The following MCF2L variants were observed in gnomAD, a reference collection of about 807,000 sequenced individuals.
The protein encoded by MCF2L is MCF.2 cell line derived transforming sequence like.
In MCF2L, 97 loss-of-function variants were observed where a neutral mutation model predicts 153.4. The ratio of observed to expected loss-of-function variants is 0.63; its 90% confidence interval spans 0.54 to 0.75. The LOEUF (loss-of-function observed/expected upper bound fraction) is 0.75, where lower values mean the gene tolerates loss of function less well. Ranked by LOEUF, MCF2L falls within the 30% of genes least tolerant of loss-of-function variation. MCF2L has a pLI of 0.00. For synonymous variants in MCF2L, 659 were observed against 632.2 expected, an observed-to-expected ratio of 1.04 and a Z score of -0.64; for missense variants, 1,347 against 1,495.2, an observed-to-expected ratio of 0.90 and a Z score of 1.64.
chr13:113,006,667 C>T (rs2083717336), intron 1 of MCF2L, among the ~76,000 whole-genome samples: 1 of 152,212 alleles, frequency 6.6e-6, no homozygotes, highest in African/African-American at 2.4e-5. Context: ...GAGACGTGTG[C>T]ATCTCAGTGG....
At chr13:113,039,907 G>A (rs2086374435) in intron 3 of MCF2L, among the ~76,000 whole-genome samples, 2 of 152,224 alleles carry the variant, frequency 1.3e-5, no homozygotes, top group Non-Finnish European at 2.9e-5. Flanking sequence ...CAACAGGAGT[G>A]TGTATTGTGT....
At chr13:113,065,229 G>C in intron 7 of MCF2L, 144 bp downstream of exon 7, 1 of 915,670 alleles carries the variant, frequency 1.1e-6, no homozygotes, top group Non-Finnish European at 1.7e-6. Flanking sequence ...AAGTCAGCAG[G>C]CTTGAGATGC....
Position 112,918,964 on chromosome 13 carries a change from C to T in MCF2L, c.169+16593C>T, listed in dbSNP as rs551315453. ...CCTGCGCTTCCCCGACGCGCGCCCC[C>T]TTCCACTGCACTTGCTGGCAGAGGC... On this transcript the variant is annotated intron_variant, in intron 2 of 29. Transcript: ENST00000375608. 1.2e-3 allele frequency among the ~76,000 whole-genome samples: 184 copies of T among 152,316 alleles called. 4 individuals carry two copies. In the South Asian group the frequency reaches 0.032, roughly 26 times the overall value.
chr13:112,938,148 G>GTTCAGGTGAGCGCTGAGGGGTTGT (rs2081539652), intron 2 of MCF2L, among the ~76,000 whole-genome samples: 2 of 144,814 alleles, frequency 1.4e-5, no homozygotes, highest in African/African-American at 5.1e-5. Flanking sequence ...TGAGGGGTTG[G>GTTCAGGTGAGCGCTGAGGGGTTGT]TTCAGGTGAG....
At chr13:112,973,981 G>A (rs565675470) in intron 1 of MCF2L, among the ~76,000 whole-genome samples, 56 of 152,218 alleles carry the variant, frequency 3.7e-4, no homozygotes, top group African/African-American at 1.2e-3. Context: ...CCTGATCTCC[G>A]TCTTCAAAGC....
chr13:112,960,127 G>C lies in MCF2L; in HGVS notation c.170-54636G>C, dbSNP rs2081806782. The stretch of plus-strand genomic sequence containing the variant: ...GTCTGTTTTCTGCTGCTATAACAGA[G>C]TATCACAGATTGGGTAATTTACACA... On this transcript the variant is annotated intron_variant, in intron 2 of 29. Coordinates refer to the MCF2L transcript ENST00000375608. This position sits in a 1 kb window ranked among gnomAD's most constrained non-coding sequence, Gnocchi z 4.2. Among the ~76,000 whole-genome samples, 1 of 152,248 alleles carries C rather than the reference G, an allele frequency of 6.6e-6. No homozygotes were observed. The highest frequency in any genetic ancestry group is 1.5e-5 in the Non-Finnish European group (1 of 68,044).
chr13:112,999,536 G>A (rs1226057946), intron 1 of MCF2L, among the ~76,000 whole-genome samples: 5 of 152,322 alleles, frequency 3.3e-5, no homozygotes, highest in East Asian at 3.9e-4. Context: ...TGCATCAGCC[G>A]CTGTACGGCT....
At position 112,942,288 on chromosome 13, in the gene MCF2L, G is replaced by C. The variant is rs750982542; in HGVS notation, c.169+39917G>C. The stretch of plus-strand genomic sequence containing the variant: ...GTCTCTGATAAGCAGAAATAATGGC[G>C]TAAGCTGTCTCTCTCTCTCCTCTCT... On this transcript the variant is annotated intron_variant, in intron 2 of 29. Transcript: ENST00000375608. 3.2e-4 allele frequency among the ~76,000 whole-genome samples: 49 copies of C among 152,328 alleles called. No homozygotes were observed. The Middle Eastern group carries it at 0.014, about 42-fold the overall frequency.
At chr13:113,050,014 A>C (rs2087106040) in intron 4 of MCF2L, among the ~76,000 whole-genome samples, 1 of 149,916 alleles carries the variant, frequency 6.7e-6, no homozygotes, top group Non-Finnish European at 1.5e-5. Context: ...ACAGCTACCC[A>C]CCCAGGGGGC....
At position 113,096,661 on chromosome 13, in the gene MCF2L, C is replaced by G; in HGVS notation, c.3292+8C>G. 6.3e-7 allele frequency: 1 copy of G among 1,578,178 alleles called. No homozygotes were observed. Among genetic ancestry groups the G allele is most frequent in the Non-Finnish European group, 8.6e-7 (1 of 1,169,080 alleles). ...AGTGCCTGAGCAGCTCAGGTAAGGC[C>G]CACGTGCCCCGAGCCCACCCGTGAC... On this transcript the variant is annotated splice_region_variant and intron_variant, in intron 29 of 29. Transcript: ENST00000535094.
In MCF2L at chr13:113,066,104, T is replaced by C. The variant is rs1361315772; in HGVS notation, c.815T>C (p.Leu272Pro). ...AGTGTCCTGGAGAGCCTCAGGGAGC[T>C]GCAGGCTGAGGGCTCAGAGCCCAGT... is the stretch of plus-strand genomic sequence containing the variant. Reference protein sequence around the residue: ...GHSVLESLRELQAEGSEPSVN... With the variant: ...GHSVLESLREPQAEGSEPSVN... Residue 272 changes from leucine to proline, a missense_variant, in exon 8 of 30, where the codon CTG becomes CCG. Transcript: ENST00000535094. The C allele has an allele frequency of 6.2e-7, 1 of 1,613,300 alleles. No homozygotes were observed. The highest frequency in any genetic ancestry group is 2.2e-5 in the East Asian group (1 of 44,878).
chr13:112,973,084 G>C (rs1272702271), intron 1 of MCF2L, among the ~76,000 whole-genome samples: 1 of 152,000 alleles, frequency 6.6e-6, no homozygotes, highest in Admixed American at 6.5e-5. Flanking sequence ...ACGCATTTCT[G>C]TGTGGAATTG....
chr13:112,984,819 A>G (rs1320523), intron 1 of MCF2L, among the ~76,000 whole-genome samples: 138,104 of 152,136 alleles, frequency 0.91, 63,260 homozygotes, highest in Non-Finnish European at 0.98. Flanking sequence ...GTCAGGATGC[A>G]GGTCCCGGTG....
chr13:113,088,786 A>T (rs775619602), intron 25 of MCF2L, among the ~76,000 whole-genome samples, 158 bp downstream of exon 25: 29 of 152,218 alleles, frequency 1.9e-4, no homozygotes, highest in Admixed American at 9.2e-4. Flanking sequence ...TCCGTCCCAG[A>T]GGGTGTACTT....
chr13:112,939,203 T>G (rs2081551034), intron 2 of MCF2L, among the ~76,000 whole-genome samples: 1 of 152,204 alleles, frequency 6.6e-6, no homozygotes, highest in African/African-American at 2.4e-5. Flanking sequence ...TTTTATAGTC[T>G]GAGCAAAGGA....
intron 1 of MCF2L, chr13:113,008,652 G>A (rs934745442): frequency 4.3e-4 from 65 of 152,172 alleles, no homozygotes; most frequent in African/African-American, 1.5e-3. Context: ...TTGAGAGCAA[G>A]AACAACAAAA....
intron 8 of MCF2L, among the ~76,000 whole-genome samples, chr13:113,069,410 C>T (rs1021273368): frequency 2.2e-5 from 1 of 46,384 alleles, no homozygotes; most frequent in African/African-American, 1.0e-4. Context: ...CGCAGTGAGC[C>T]GAGATTGCAC....
chr13:113,044,664 C>A, intron 3 of MCF2L: 1 of 1,611,922 alleles, frequency 6.2e-7, no homozygotes, highest in South Asian at 1.1e-5. Flanking sequence ...CTTCTACTAC[C>A]AGGCTCATCC....
intron 4 of MCF2L, among the ~76,000 whole-genome samples, chr13:113,056,407 A>G (rs28623025): frequency 0.062 from 8,472 of 136,112 alleles, 336 homozygotes; most frequent in African/African-American, 0.21. Flanking sequence ...GTGTTTTGGC[A>G]CTGAGTGGGT....
Sources: allele counts gnomAD v4.1 joint callset (sites outside exome capture counted in the v4.1 genomes callset), GRCh38; gene constraint gnomAD v4.1.1; non-coding constraint Gnocchi (gnomAD v3.1); transcripts MANE v1.5; gene names NCBI Gene and HGNC (gene_info 2026-07-23, HGNC 2026-07-21).